CCDC22: variants seen among roughly 807,000 people sequenced by gnomAD.
The protein encoded by CCDC22 is coiled-coil domain-containing protein 22.
In CCDC22, 4 loss-of-function variants were observed where a neutral mutation model predicts 53.1. That is an observed-to-expected ratio of 0.08 (90% CI 0.04 to 0.17). The LOEUF is 0.17. CCDC22 is among the 10% of genes least tolerant of loss of function. The pLI is 1.00. For synonymous variants in CCDC22, 222 were observed against 224.4 expected (o/e 0.99, Z 0.10); for missense variants, 458 against 554.0 (o/e 0.83, Z 1.74).
chrX:49,240,341 G>A (rs953882581), intron 2 of CCDC22, among the ~76,000 whole-genome samples: 4 of 109,484 alleles, frequency 3.7e-5, no homozygotes, highest in African/African-American at 1.0e-4. Flanking sequence ...CTCACCAGAG[G>A]TCAGGAGTTT....
chrX:49,244,285 C>T (rs904199522), intron 6 of CCDC22, among the ~76,000 whole-genome samples: 3 of 110,903 alleles, frequency 2.7e-5, no homozygotes, highest in Non-Finnish European at 3.8e-5. Context: ...TCTCCTCTGT[C>T]TACTTCTTTA....
At chrX:49,236,900 C>G in intron 1 of CCDC22, 186 bp from the exon 2 acceptor site, 1 of 381,956 alleles carries the variant, frequency 2.6e-6, no homozygotes, top group Non-Finnish European at 4.6e-6. Context: ...GATCTTAGGA[C>G]TTGAGGATTT....
chrX:49,248,103 A>G lies in CCDC22; in HGVS notation c.1093-88A>G. ...TCCTTGGCACCAGCGTGGAGCTGTT[A>G]GAGAGGCCTGTGGGGGCCACAGGGG... On this transcript the variant is annotated intron_variant, in intron 9 of 16. Coordinates refer to ENST00000376227, the MANE Select transcript of CCDC22 (RefSeq NM_014008.5). 2.0e-5 allele frequency: 24 copies of G among 1,189,777 alleles called. 1 individual carries two copies. The South Asian group carries it at 4.3e-4, about 21-fold the overall frequency.
chrX:49,247,580 G>C (rs2065997011), intron 8 of CCDC22, 22 bp downstream of exon 8: 5 of 1,190,592 alleles, frequency 4.2e-6, no homozygotes, highest in African/African-American at 3.5e-5. Flanking sequence ...GGTTTGGAGG[G>C]GGGTGTCCCA....
intron 7 of CCDC22, 122 bp downstream of exon 7, chrX:49,247,047 GC>G: frequency 1.6e-6 from 1 of 625,466 alleles, no homozygotes; most frequent in Non-Finnish European, 2.5e-6. Flanking sequence ...ACAGGCCCTC[GC>G]CCCACTGTGG....
At chrX:49,247,937 G>A (rs2065999379) in intron 9 of CCDC22, among the ~76,000 whole-genome samples, 169 bp downstream of exon 9, 1 of 111,354 alleles carries the variant, frequency 9.0e-6, no homozygotes, top group Non-Finnish European at 1.9e-5. Context: ...ATGAGAATCA[G>A]GCCAGGGTGA....
rs1557114239 is a variant in CCDC22, at chrX:49,246,741, G to A, written c.725G>A (p.Arg242Gln). The A allele has an allele frequency of 1.2e-5, 14 of 1,154,338 alleles. No individual in the cohort carries two copies. Among genetic ancestry groups the A allele is most frequent in the African/African-American group, 8.9e-5 (5 of 56,074 alleles). The change falls in exon 7 of 17, where the codon CGG becomes CAG. Residue 242 changes from arginine to glutamine, a missense_variant. Arg to Gln is a conservative substitution (Grantham distance 43, BLOSUM62 1). Coordinates refer to ENST00000376227, the MANE Select transcript of CCDC22 (RefSeq NM_014008.5). ...GCCTTTTCTCCCCAGGAGGACACAC[G>A]GGCTCAGCGGCAGCGGCTGCAAAAG... ...TSRLPPQEDT[R>Q]AQRQRLQKQL... is the part of the protein sequence containing the mutation.
At chrX:49,238,166 T>C (rs5906760) in intron 2 of CCDC22, among the ~76,000 whole-genome samples, 53,411 of 103,454 alleles carry the variant, frequency 0.52, 13,069 homozygotes, top group Non-Finnish European at 0.71. Flanking sequence ...CTGCAACCTC[T>C]GTCTCCTGGG....
chrX:49,242,776 T>C, intron 3 of CCDC22, 110 bp from the exon 4 acceptor site: 1 of 449,373 alleles, frequency 2.2e-6, no homozygotes, highest in South Asian at 4.6e-5. Context: ...GCAAGCTGGA[T>C]AGATGTGTAT....
At chrX:49,246,268 G>A (rs1033522134) in intron 6 of CCDC22, among the ~76,000 whole-genome samples, 5 of 112,046 alleles carry the variant, frequency 4.5e-5, no homozygotes, top group East Asian at 2.8e-4. Flanking sequence ...CACTGTACCC[G>A]GCCAACAATG....
intron 2 of CCDC22, among the ~76,000 whole-genome samples, chrX:49,239,869 G>A (rs1348666977): frequency 9.0e-6 from 1 of 110,855 alleles, no homozygotes; most frequent in Non-Finnish European, 1.9e-5. Flanking sequence ...TCTTCCCTCA[G>A]TGCTGTCTCT....
intron 2 of CCDC22, among the ~76,000 whole-genome samples, chrX:49,238,757 G>A (rs989312267): frequency 9.1e-6 from 1 of 110,192 alleles, no homozygotes; most frequent in African/African-American, 3.3e-5. Context: ...ACGGGGTCTC[G>A]CTTTTGTAGA....
At chrX:49,244,982 C>G (rs1557113988) in intron 6 of CCDC22, among the ~76,000 whole-genome samples, 1 of 109,746 alleles carries the variant, frequency 9.1e-6, no homozygotes, top group Non-Finnish European at 1.9e-5. Context: ...CTGTCCCCTC[C>G]TTCTCTCTGT....
intron 13 of CCDC22, 21 bp from the exon 14 acceptor site, chrX:49,249,146 G>C: frequency 8.4e-7 from 1 of 1,193,124 alleles, no homozygotes; most frequent in South Asian, 1.8e-5. Flanking sequence ...AGGGGCTCAT[G>C]GCTGCCATGG....
chrX:49,248,117 G>A, intron 9 of CCDC22, 74 bp from the exon 10 acceptor site: 1 of 1,192,439 alleles, frequency 8.4e-7, no homozygotes, highest in Non-Finnish European at 1.1e-6. Context: ...AGGCCTGTGG[G>A]GGCCACAGGG....
At chrX:49,244,602 C>G (rs782277483) in intron 6 of CCDC22, among the ~76,000 whole-genome samples, 1 of 110,465 alleles carries the variant, frequency 9.1e-6, no homozygotes, top group South Asian at 3.8e-4. Flanking sequence ...GCTCTGTCAC[C>G]CAGGCTGGAC....
chrX:49,249,350 C>A (rs1467350070), intron 14 of CCDC22, 88 bp downstream of exon 14: 32 of 910,793 alleles, frequency 3.5e-5, no homozygotes, highest in Non-Finnish European at 4.9e-5. Context: ...GGTCCAGACC[C>A]AGGCCCTGTG....
rs2065972237 is a variant in CCDC22 at position 49,243,157 on chromosome X, G to A, written c.508G>A (p.Val170Ile). 1 of 1,210,437 alleles carries A rather than the reference G, an allele frequency of 8.3e-7. No homozygotes were observed. The highest frequency in any genetic ancestry group is 2.2e-5 in the Admixed American group (1 of 45,895). Residue 170 changes from valine (V) to isoleucine (I), a missense_variant, in exon 5 of 17, where the codon GTC (valine) becomes ATC (isoleucine). By Grantham distance (29) the Val-to-Ile change is conservative. This residue lies in a region of CCDC22 where 309 missense variants were observed against 312.3 expected (regional missense o/e 0.99). Transcript: ENST00000376227. ...LQKPFHASRL[V>I]VPELSSRGEP... is the part of the protein sequence containing the mutation. ...GAAGCCTTTCCATGCCAGCAGGCTG[G>A]TCGTGCCAGAATTGAGTTCCAGAGG...
rs782351559 is a variant in CCDC22 at position 49,249,280 on chromosome X, C to T, written c.1635+18C>T. 54 of 870,517 alleles carry T rather than the reference C, an allele frequency of 6.2e-5. No homozygotes were observed. Among genetic ancestry groups the T allele is most frequent in the Middle Eastern group, 5.7e-4 (2 of 3,506 alleles). The allele number at this position is 870,517 out of a possible 1,213,427, so 71.7% of individuals were successfully genotyped here. ...TGTTCAAGGTGTGGGGCAGGTTGGGCGGGGGTGAGTGGGGTGAGGCTGGGC... is the reference window on the plus strand; with the variant it reads ...TGTTCAAGGTGTGGGGCAGGTTGGGTGGGGGTGAGTGGGGTGAGGCTGGGC... On this transcript the variant is annotated intron_variant, in intron 14 of 16. Transcript: ENST00000376227.
Sources: gnomAD v4.1 joint callset for allele counts (sites outside exome capture counted in the v4.1 genomes callset) on GRCh38, gnomAD v4.1.1 for gene constraint, gnomAD v4.1.1 regional missense constraint, MANE v1.5 for transcripts, NCBI Gene and HGNC (gene_info 2026-07-23, HGNC 2026-07-21) for gene names.